The following EXOC2 variants were observed in gnomAD, a reference collection of about 807,000 sequenced individuals.
EXOC2 encodes the protein exocyst complex component 2, also known as SEC5-like 1.
A neutral mutation model predicts 131.8 loss-of-function variants in EXOC2; 70 were observed. The observed-to-expected ratio is 0.53, with a 90% CI of 0.44 to 0.65. The LOEUF is 0.65. Among genes scored for constraint, EXOC2 ranks in the 30% least tolerant of loss-of-function variants. The probability of loss-of-function intolerance (pLI) is 0.00; values close to 1 mark genes in which losing one functional copy is unlikely to be tolerated. For synonymous variants in EXOC2, 411 were observed against 398.4 expected (o/e 1.03, Z -0.38); for missense variants, 923 against 1,108.6 (o/e 0.83, Z 2.38).
chr6:486,768 C>A lies in EXOC2; in HGVS notation c.2682-4G>T. 5.0e-6 allele frequency: 8 copies of A among 1,613,022 alleles called. No homozygotes were observed. Among genetic ancestry groups the A allele is most frequent in the Non-Finnish European group, 6.8e-6 (8 of 1,179,208 alleles). ...GTTCAGGAGCTCTTCCAGTAACCTGCAGGACGGAGACACTTGTTTTACAGC... is the reference window on the plus strand; with the variant it reads ...GTTCAGGAGCTCTTCCAGTAACCTGAAGGACGGAGACACTTGTTTTACAGC... On this transcript the variant is annotated splice_polypyrimidine_tract_variant and splice_region_variant and intron_variant, in intron 27 of 27. Coordinates refer to ENST00000230449, the MANE Select transcript of EXOC2 (RefSeq NM_018303.6).
intron 24 of EXOC2, among the ~76,000 whole-genome samples, chr6:497,833 T>C (rs1763831040): frequency 6.6e-6 from 1 of 152,210 alleles, no homozygotes; most frequent in Admixed American, 6.5e-5. Flanking sequence ...AATAAGAACA[T>C]ACTGGGTCAA....
At chr6:488,022 T>C (rs189238976) in intron 27 of EXOC2, among the ~76,000 whole-genome samples, 8 of 152,258 alleles carry the variant, frequency 5.3e-5, no homozygotes, top group Admixed American at 3.3e-4. Flanking sequence ...AAATAGAGGA[T>C]GGAAGTTAGA....
intron 4 of EXOC2, among the ~76,000 whole-genome samples, chr6:623,208 T>C (rs1283131757): frequency 1.3e-5 from 2 of 152,226 alleles, no homozygotes; most frequent in Non-Finnish European, 1.5e-5. Context: ...GGCTTCTGCA[T>C]TGGAGTGAGC....
At chr6:651,299 C>T (rs1762818719) in intron 1 of EXOC2, among the ~76,000 whole-genome samples, 1 of 152,102 alleles carries the variant, frequency 6.6e-6, no homozygotes, top group South Asian at 2.1e-4. Flanking sequence ...TCCCAAAGTG[C>T]TGGGATTACA....
chr6:506,751 CAAGAA>C lies in EXOC2; in HGVS notation c.2381-7056_2381-7052del, dbSNP rs1764555027. On this transcript the variant is annotated intron_variant, in intron 23 of 27. Transcript: ENST00000230449. This position sits in a 1 kb window ranked among gnomAD's most constrained non-coding sequence, Gnocchi z 4.4. ...GAAAACAAGGCTCATCTCTACTGAG[CAAGAA>C]CTTGTAGGCTGTTTCCTGTAAGCCA... Among the ~76,000 whole-genome samples, 1 of 152,086 alleles carries C rather than the reference CAAGAA, an allele frequency of 6.6e-6. No individual in the cohort carries two copies. The highest frequency in any genetic ancestry group is 2.1e-4 in the South Asian group (1 of 4,816).
chr6:497,521 T>TGG (rs1347582616), intron 24 of EXOC2, 32 bp from the exon 25 acceptor site: 3 of 1,576,676 alleles, frequency 1.9e-6, no homozygotes, highest in Non-Finnish European at 2.6e-6. Context: ...TGGTGCTTTG[T>TGG]GGGGCTTTTT....
intron 1 of EXOC2, among the ~76,000 whole-genome samples, chr6:640,643 G>A (rs1346455709): frequency 6.6e-6 from 1 of 152,140 alleles, no homozygotes; most frequent in Non-Finnish European, 1.5e-5. Context: ...GAAGAATTTG[G>A]ACAGAGACAC....
intron 4 of EXOC2, among the ~76,000 whole-genome samples, chr6:626,548 C>A (rs1761576693): frequency 6.6e-6 from 1 of 152,142 alleles, no homozygotes; most frequent in Non-Finnish European, 1.5e-5. Flanking sequence ...TGCCTCCCCA[C>A]TGCAATCTGA....
chr6:618,990 ATT>A (rs772198821), intron 5 of EXOC2, among the ~76,000 whole-genome samples: 16 of 152,268 alleles, frequency 1.1e-4, no homozygotes, highest in East Asian at 9.6e-4. Flanking sequence ...TTTTTTGCTA[ATT>A]TTAAGCCAGG....
At chr6:622,608 A>G (rs545256162) in intron 4 of EXOC2, among the ~76,000 whole-genome samples, 177 of 152,358 alleles carry the variant, frequency 1.2e-3, no homozygotes, top group African/African-American at 3.9e-3. Flanking sequence ...CAGCAGCTGC[A>G]TGCCCTGGAG....
At chr6:684,818 C>T (rs1402540524) in intron 1 of EXOC2, among the ~76,000 whole-genome samples, 1 of 151,810 alleles carries the variant, frequency 6.6e-6, no homozygotes, top group Non-Finnish European at 1.5e-5. Flanking sequence ...GAAATGAAAC[C>T]ACAACTGAAA....
At chr6:522,623 T>C (rs1581361961) in intron 23 of EXOC2, among the ~76,000 whole-genome samples, 1 of 143,570 alleles carries the variant, frequency 7.0e-6, no homozygotes, top group East Asian at 2.1e-4. Context: ...GGTGAAATGA[T>C]GGTGCAGCAA....
At chr6:504,730 T>C (rs1056380693) in intron 23 of EXOC2, among the ~76,000 whole-genome samples, 6 of 152,098 alleles carry the variant, frequency 3.9e-5, no homozygotes, top group Non-Finnish European at 8.8e-5. Flanking sequence ...AACGAAGCTG[T>C]TATGAAAATG....
At chr6:673,394 C>T (rs374768134) in intron 1 of EXOC2, among the ~76,000 whole-genome samples, 40 of 151,696 alleles carry the variant, frequency 2.6e-4, no homozygotes, top group African/African-American at 9.5e-4. Context: ...CAGTATTTGG[C>T]TTAACAGAAG....
intron 13 of EXOC2, among the ~76,000 whole-genome samples, chr6:570,173 G>A (rs984984205): frequency 2.1e-5 from 3 of 141,030 alleles, no homozygotes; most frequent in African/African-American, 8.2e-5. Flanking sequence ...TCGCGCTGTC[G>A]CCCAGGCTGG....
intron 25 of EXOC2, among the ~76,000 whole-genome samples, chr6:494,424 G>A (rs1763601940): frequency 7.2e-6 from 1 of 139,418 alleles, no homozygotes; most frequent in Non-Finnish European, 1.6e-5. Context: ...ATTAACTACA[G>A]TGGACTATTT....
At chr6:660,622 C>T (rs1763383821) in intron 1 of EXOC2, among the ~76,000 whole-genome samples, 1 of 152,174 alleles carries the variant, frequency 6.6e-6, no homozygotes, top group Non-Finnish European at 1.5e-5. Flanking sequence ...ATCAAGGGAA[C>T]ACTTTGTGGG....
intron 24 of EXOC2, among the ~76,000 whole-genome samples, chr6:497,933 G>A (rs185577071): frequency 1.3e-5 from 2 of 152,250 alleles, no homozygotes; most frequent in African/African-American, 4.8e-5. Context: ...ATTCTGTATT[G>A]GAGAACAAGC....
At chr6:636,133 G>A (rs116054535) in intron 2 of EXOC2, among the ~76,000 whole-genome samples, 3,686 of 152,322 alleles carry the variant, frequency 0.024, 166 homozygotes, top group African/African-American at 0.084. Flanking sequence ...ATTGCCTGAA[G>A]CTCAAACAAG....
Sources: gnomAD v4.1 joint callset for allele counts (sites outside exome capture counted in the v4.1 genomes callset) on GRCh38, gnomAD v4.1.1 for gene constraint, Gnocchi (gnomAD v3.1) non-coding constraint, MANE v1.5 for transcripts, NCBI Gene and HGNC (gene_info 2026-07-23, HGNC 2026-07-21) for gene names.